Variants in CAD observed in about 807,000 individuals in gnomAD.
The protein encoded by CAD is carbamoyl-phosphate synthetase 2, aspartate transcarbamylase, and dihydroorotase.
In CAD, 81 loss-of-function variants were observed where a neutral mutation model predicts 237.2. That is an observed-to-expected ratio of 0.34 (90% CI 0.29 to 0.41). The LOEUF is 0.41. CAD is among the 10% of genes least tolerant of loss of function. The pLI, the probability that CAD is intolerant of heterozygous loss-of-function variation, is 1.00. For missense variants in CAD, 2,181 were observed against 2,951.7 expected, an observed-to-expected ratio of 0.74 and a Z score of 6.05; for synonymous variants, 1,196 against 1,162.8, an observed-to-expected ratio of 1.03 and a Z score of -0.58.
Position 27,225,734 on chromosome 2 carries a change from C to T in CAD, c.1650C>T (p.Tyr550=). The T allele has an allele frequency of 6.2e-7, 1 of 1,614,146 alleles. No individual in the cohort carries two copies. Among genetic ancestry groups the T allele is most frequent in the Non-Finnish European group, 8.5e-7 (1 of 1,180,002 alleles). The change falls in exon 12 of 44, where the codon TAC becomes TAT. Residue 550 remains tyrosine, a synonymous_variant. Coordinates refer to ENST00000264705, the MANE Select transcript of CAD (RefSeq NM_004341.5). ...AGGCAGCCGCTGAACGGCTGGGGTACCCTGTGCTAGTGCGTGCAGCCTTTG... is the reference window on the plus strand; with the variant it reads ...AGGCAGCCGCTGAACGGCTGGGGTATCCTGTGCTAGTGCGTGCAGCCTTTG... ...QAQAAAERLG[Y]PVLVRAAFAL...
rs911293499 is a variant in CAD at position 27,225,755 on chromosome 2, C to T, written c.1671C>T (p.Ala557=). The T allele has an allele frequency of 1.9e-6, 3 of 1,614,216 alleles. No individual in the cohort carries two copies. The highest frequency in any genetic ancestry group is 1.1e-5 in the South Asian group (1 of 91,090). Residue 557 remains alanine (A), a synonymous_variant, in exon 12 of 44, where the codon GCC becomes GCT. Coordinates refer to ENST00000264705, the MANE Select transcript of CAD (RefSeq NM_004341.5). The part of the protein sequence containing the change: ...RLGYPVLVRA[A]FALGGLGSGF... The stretch of plus-strand genomic sequence containing the variant: ...GGTACCCTGTGCTAGTGCGTGCAGC[C>T]TTTGCCCTGGGTGGCCTGGGCTCTG...
chr2:27,226,679 G>A, intron 14 of CAD, 30 bp downstream of exon 14: 1 of 1,613,162 alleles, frequency 6.2e-7, no homozygotes, highest in Non-Finnish European at 8.5e-7. Flanking sequence ...ATCACAGTGG[G>A]GAAGTGGGTC....
In CAD at chr2:27,223,442, AAAAAC is replaced by A. The variant is rs1267116198; in HGVS notation, c.810-116_810-112del. The A allele has an allele frequency of 2.8e-5, 27 of 974,856 alleles. No individual in the cohort carries two copies. In the African/African-American group the frequency reaches 3.6e-4, roughly 13 times the overall value. The allele number at this position is 974,856 out of a possible 1,614,324, so 60.4% of individuals were successfully genotyped here. ...GGAGACTCCGTCTCAAAAAAAAAAA[AAAAAC>A]AAAAAGGAAACAGGAGTGAGGCTAC... On this transcript the variant is annotated intron_variant, in intron 6 of 43. Transcript: ENST00000264705.
chr2:27,222,882 C>G lies in CAD; in HGVS notation c.654C>G (p.Phe218Leu), dbSNP rs201033076. Residue 218 changes from phenylalanine (F) to leucine (L), a missense_variant, in exon 6 of 44, where the codon TTC becomes TTG. This residue lies in a region of CAD where 314 missense variants were observed against 339.4 expected (regional missense o/e 0.93). Coordinates refer to ENST00000264705, the MANE Select transcript of CAD (RefSeq NM_004341.5). The part of the protein sequence containing the change: ...ALDSQEYEGL[F>L]LSNGPGDPAS... The stretch of plus-strand genomic sequence containing the variant: ...CCACTCCAGAGTATGAGGGTCTCTT[C>G]TTAAGTAATGGGCCTGGTGACCCTG... The G allele has an allele frequency of 6.2e-7, 1 of 1,614,180 alleles. No individual in the cohort carries two copies. The highest frequency in any genetic ancestry group is 1.6e-4 in the Middle Eastern group (1 of 6,062).
chr2:27,237,788 T>G lies in CAD; in HGVS notation c.4634T>G (p.Leu1545Trp). ...LGASSENAGT[L>W]GTVAGSAAGL... ...GCCTCGTCTGAAAATGCAGGAACCT[T>G]GGGCACCGTGGCCGGGTCTGCAGCC... Residue 1545 changes from leucine to tryptophan, a missense_variant, in exon 29 of 44, where the codon TTG becomes TGG. Physicochemically the swap from Leu to Trp is moderately conservative, Grantham distance 61. Around this residue, in one of 12 missense-constraint regions of CAD, gnomAD observed 478 missense variants for 515.0 expected, o/e 0.93. Transcript: ENST00000264705. The surrounding 1 kb of genome is among the most constrained non-coding windows in gnomAD (Gnocchi z 4.0). 3 of 1,614,226 alleles carry G rather than the reference T, an allele frequency of 1.9e-6. No individual in the cohort carries two copies. The South Asian group carries it at 3.3e-5, about 18-fold the overall frequency.
At position 27,234,697 on chromosome 2, in the gene CAD, C is replaced by T. The variant is rs750855026; in HGVS notation, c.3786+12C>T. 8 of 1,612,208 alleles carry T rather than the reference C, an allele frequency of 5.0e-6. No homozygotes were observed. The highest frequency in any genetic ancestry group is 1.3e-5 in the African/African-American group (1 of 74,932). ...TCGTGGGAGTAAAGGTAAGGAATAT[C>T]GAAACCCTTGGGGTTAGCAGAAAAA... is the stretch of plus-strand genomic sequence containing the variant. On this transcript the variant is annotated intron_variant, in intron 23 of 43. Coordinates refer to ENST00000264705, the MANE Select transcript of CAD (RefSeq NM_004341.5).
chr2:27,242,872 G>A lies in CAD; in HGVS notation c.6379G>A (p.Glu2127Lys). The part of the protein sequence containing the change: ...AFVASRGTKQ[E>K]EFESIEEALP... ...CACCATGGCTCTCCTCACCCTCCAG[G>A]AGGAATTCGAGAGCATTGAGGAGGC... The change falls in exon 42 of 44, where the codon GAG (glutamate) becomes AAG (lysine). Residue 2127 changes from glutamate (E) to lysine (K), a missense_variant and splice_region_variant. Glu to Lys is a moderately conservative substitution (Grantham distance 56). Transcript: ENST00000264705. The surrounding 1 kb of genome is among the most constrained non-coding windows in gnomAD (Gnocchi z 6.4). 4 of 1,614,108 alleles carry A rather than the reference G, an allele frequency of 2.5e-6. No individual in the cohort carries two copies. The South Asian group carries it at 3.3e-5, about 13-fold the overall frequency.
rs2148051238 is a variant in CAD, at chr2:27,217,954, T to A, written c.160T>A (p.Tyr54Asn). The A allele has an allele frequency of 6.2e-7, 1 of 1,613,108 alleles. No individual in the cohort carries two copies. Among genetic ancestry groups the A allele is most frequent in the African/African-American group, 1.3e-5 (1 of 75,008 alleles). ...SYKAQILVLT[Y>N]PLIGNYGIPP... Reference sequence around the variant, plus strand: ...CAAGGCACAGATCTTAGTGCTCACCTATCCTCTGATCGGCAACTATGGCAT... The same window carrying A: ...CAAGGCACAGATCTTAGTGCTCACCAATCCTCTGATCGGCAACTATGGCAT... The change falls in exon 2 of 44, where the codon TAT (tyrosine) becomes AAT (asparagine). Residue 54 changes from tyrosine to asparagine, a missense_variant. Tyr to Asn is a moderately radical substitution (Grantham distance 143). Coordinates refer to ENST00000264705, the MANE Select transcript of CAD (RefSeq NM_004341.5).
Position 27,243,816 on chromosome 2 carries a change from T to A in CAD, c.*298T>A. Reference sequence around the variant, plus strand: ...GAGTGTAGTAGAACAGAGCTTTCTTTTAGAAAATTGAGCAGATTCCCAAAT... The same window carrying A: ...GAGTGTAGTAGAACAGAGCTTTCTTATAGAAAATTGAGCAGATTCCCAAAT... On this transcript the variant is annotated 3_prime_UTR_variant, in exon 44 of 44. Coordinates refer to ENST00000264705, the MANE Select transcript of CAD (RefSeq NM_004341.5). The A allele has an allele frequency of 2.9e-6, 1 of 344,104 alleles. No homozygotes were observed. The highest frequency in any genetic ancestry group is 5.0e-5 in the East Asian group (1 of 20,102). The allele number at this position is 344,104 out of a possible 1,614,324, so 21.3% of individuals were successfully genotyped here. A position where few individuals can be genotyped will look rare whatever the true frequency, so the allele number is the denominator to read the frequency against.
Position 27,223,926 on chromosome 2 carries a change from T to C in CAD, c.1005T>C (p.Phe335=). Residue 335 remains phenylalanine, a synonymous_variant, in exon 8 of 44, where the codon TTT becomes TTC. Coordinates refer to ENST00000264705, the MANE Select transcript of CAD (RefSeq NM_004341.5). The stretch of plus-strand genomic sequence containing the variant: ...GCAATCTCTTCAATAGTGTCCAGTT[T>C]CACCCAGAGCACCAAGCTGGCCCTT... The part of the protein sequence containing the change: ...HNSLPFFSVQ[F]HPEHQAGPSD... 1.9e-6 allele frequency: 3 copies of C among 1,612,922 alleles called. No homozygotes were observed. The highest frequency in any genetic ancestry group is 2.5e-6 in the Non-Finnish European group (3 of 1,178,864).
chr2:27,238,980 G>A (rs1421767890), intron 31 of CAD, 62 bp from the exon 32 acceptor site: 3 of 1,453,942 alleles, frequency 2.1e-6, no homozygotes, highest in East Asian at 2.3e-5. Flanking sequence ...GTCCTGGGGT[G>A]TGAGTGACTT....
chr2:27,235,129 C>T lies in CAD; in HGVS notation c.3787-116C>T, dbSNP rs1434927476. ...AAAGCAGGAGGGCACACAGAGAGGG[C>T]AGGCTGACCCTGCCATTCAGATGGG... On this transcript the variant is annotated intron_variant, in intron 23 of 43. Coordinates refer to ENST00000264705, the MANE Select transcript of CAD (RefSeq NM_004341.5). The surrounding 1 kb of genome is among the most constrained non-coding windows in gnomAD (Gnocchi z 5.2). 2.1e-6 allele frequency: 2 copies of T among 930,610 alleles called. No homozygotes were observed. Among genetic ancestry groups the T allele is most frequent in the Non-Finnish European group, 3.2e-6 (2 of 631,408 alleles). 57.6% of individuals were successfully genotyped at this position (930,610 alleles called of 1,614,324 possible).
chr2:27,240,020 C>A lies in CAD; in HGVS notation c.5496+222C>A, dbSNP rs1676222786. On this transcript the variant is annotated intron_variant, in intron 34 of 43. Transcript: ENST00000264705. The surrounding 1 kb of genome is among the most constrained non-coding windows in gnomAD (Gnocchi z 4.6). Reference sequence around the variant, plus strand: ...CTTTGGGAGGCCAAGGCAGGCGGATCATCTGAGGTCAGGAGTTTAAGACCA... The same window carrying A: ...CTTTGGGAGGCCAAGGCAGGCGGATAATCTGAGGTCAGGAGTTTAAGACCA... 2 of 586,380 alleles carry A rather than the reference C, an allele frequency of 3.4e-6. No individual in the cohort carries two copies. Among genetic ancestry groups the A allele is most frequent in the Non-Finnish European group, 6.0e-6 (2 of 335,148 alleles). 36.3% of individuals were successfully genotyped at this position (586,380 alleles called of 1,614,324 possible).
At position 27,233,775 on chromosome 2, in the gene CAD, C is replaced by T. The variant is rs150127787; in HGVS notation, c.3366C>T (p.Pro1122=). 4.6e-5 allele frequency: 74 copies of T among 1,614,080 alleles called. No homozygotes were observed. The African/African-American group carries it at 5.7e-4, about 13-fold the overall frequency. ...SSAAAVSKEH[P]VVISKFIQEA... is the part of the protein sequence containing the mutation. The stretch of plus-strand genomic sequence containing the variant: ...CAGCAGCCGTCTCCAAAGAGCATCC[C>T]GTGGTCATCTCCAAGTTCATCCAGG... Residue 1122 remains proline, a synonymous_variant, in exon 21 of 44, where the codon CCC becomes CCT. Transcript: ENST00000264705. The surrounding 1 kb of genome is among the most constrained non-coding windows in gnomAD (Gnocchi z 6.3).
In CAD at chr2:27,226,109, T is replaced by C. The variant is rs779619504; in HGVS notation, c.1843-22T>C. 7 of 1,610,862 alleles carry C rather than the reference T, an allele frequency of 4.3e-6. No individual in the cohort carries two copies. In the South Asian group the frequency reaches 6.6e-5, roughly 15 times the overall value. ...CTCCTGACTCTGCTTGGCAGTGACC[T>C]CCATGGCACCCCCCTTCACAGGTGT... On this transcript the variant is annotated intron_variant, in intron 12 of 43. Coordinates refer to ENST00000264705, the MANE Select transcript of CAD (RefSeq NM_004341.5).
At position 27,233,998 on chromosome 2, in the gene CAD, C is replaced by T. The variant is rs1319764240; in HGVS notation, c.3400-10C>T. On this transcript the variant is annotated splice_polypyrimidine_tract_variant and intron_variant, in intron 21 of 43. Transcript: ENST00000264705. The surrounding 1 kb of genome is among the most constrained non-coding windows in gnomAD (Gnocchi z 6.3). ...GGCCCTATGTCCCACTGTCTGTGTC[C>T]CCCCGCTAGGAGATTGACGTGGATG... 1.9e-6 allele frequency: 3 copies of T among 1,612,004 alleles called. No individual in the cohort carries two copies. The highest frequency in any genetic ancestry group is 2.2e-5 in the East Asian group (1 of 44,844).
Position 27,237,961 on chromosome 2 carries a change from CAGTG to C in CAD, c.4728+82_4728+85del. The C allele has an allele frequency of 6.3e-7, 1 of 1,577,326 alleles. No individual in the cohort carries two copies. The highest frequency in any genetic ancestry group is 8.6e-7 in the Non-Finnish European group (1 of 1,158,886). On this transcript the variant is annotated intron_variant, in intron 29 of 43. Transcript: ENST00000264705. The surrounding 1 kb of genome is among the most constrained non-coding windows in gnomAD (Gnocchi z 4.0). ...GGCCCCTGCCTAAGTGGGCTGGTAG[CAGTG>C]AGGATTCAGGGGAGCTCCTGGGGAC...
Position 27,233,859 on chromosome 2 carries a change from A to G in CAD, c.3399+51A>G. ...TCTGAGGGCATGCTGCCAGCCCTGGAGGAGACTTCCTTCTCTGGTCCAGCA... is the reference window on the plus strand; with the variant it reads ...TCTGAGGGCATGCTGCCAGCCCTGGGGGAGACTTCCTTCTCTGGTCCAGCA... On this transcript the variant is annotated intron_variant, in intron 21 of 43. Coordinates refer to ENST00000264705, the MANE Select transcript of CAD (RefSeq NM_004341.5). This position sits in a 1 kb window ranked among gnomAD's most constrained non-coding sequence, Gnocchi z 6.3. 1 of 1,595,954 alleles carries G rather than the reference A, an allele frequency of 6.3e-7. No individual in the cohort carries two copies. Among genetic ancestry groups the G allele is most frequent in the Non-Finnish European group, 8.6e-7 (1 of 1,166,438 alleles).
At chr2:27,226,454 T>C in intron 13 of CAD, 71 bp from the exon 14 acceptor site, 1 of 1,581,290 alleles carries the variant, frequency 6.3e-7, no homozygotes, top group Non-Finnish European at 8.6e-7. Flanking sequence ...CTAGGTTACT[T>C]TTCTCTCCTT....
Sources: allele counts gnomAD v4.1 joint callset, GRCh38; gene constraint gnomAD v4.1.1; regional missense constraint gnomAD v4.1.1; non-coding constraint Gnocchi (gnomAD v3.1); transcripts MANE v1.5; gene names NCBI Gene and HGNC (gene_info 2026-07-23, HGNC 2026-07-21).